The following SAMD5 variants were observed in gnomAD, a reference collection of about 807,000 sequenced individuals.
SAMD5 encodes sterile alpha motif domain containing 5, also known as sterile alpha motif domain-containing protein 5.
A neutral mutation model predicts 11.3 loss-of-function variants in SAMD5; 13 were observed. That is an observed-to-expected ratio of 1.15 (90% CI 0.75 to 1.83). SAMD5 has a LOEUF of 1.83. Among genes scored for constraint, SAMD5 ranks in the 40% most tolerant of loss-of-function variants. The pLI, the probability that SAMD5 is intolerant of heterozygous loss-of-function variation, is 0.00. For synonymous variants in SAMD5, 129 were observed against 111.3 expected, an observed-to-expected ratio of 1.16 and a Z score of -1.00; for missense variants, 255 against 239.1, an observed-to-expected ratio of 1.07 and a Z score of -0.44.
At chr6:147,767,520 G>A in the SAMD5 span, among the ~76,000 whole-genome samples, 1 of 152,006 alleles carries the variant, frequency 6.6e-6, no homozygotes, top group South Asian at 2.1e-4. Context: ...TGGAGGTGGG[G>A]ACTTTGGGAG....
intron 1 of SAMD5, among the ~76,000 whole-genome samples, chr6:147,611,878 G>A (rs769179312): frequency 6.6e-6 from 1 of 152,106 alleles, no homozygotes; most frequent in Non-Finnish European, 1.5e-5. Flanking sequence ...GTGTAATCTG[G>A]GAAAAGGACA....
At chr6:147,603,575 A>C (rs1029857781) in intron 1 of SAMD5, among the ~76,000 whole-genome samples, 15 of 152,160 alleles carry the variant, frequency 9.9e-5, no homozygotes, top group Non-Finnish European at 2.1e-4. Flanking sequence ...TGCATCTCCC[A>C]GCACCAGGGC....
intron 1 of SAMD5, among the ~76,000 whole-genome samples, chr6:147,723,671 G>A (rs186571683): frequency 7.7e-4 from 117 of 152,200 alleles, no homozygotes; most frequent in Middle Eastern, 3.4e-3. Context: ...CACACACTCA[G>A]TCTTTAAGAA....
At chr6:147,947,789 T>C in the SAMD5 span, among the ~76,000 whole-genome samples, 62 of 152,326 alleles carry the variant, frequency 4.1e-4, 3 homozygotes, top group South Asian at 0.012. Flanking sequence ...ATTCTTTTTA[T>C]GTGAATTTTC....
At chr6:147,930,313 T>G in the SAMD5 span, among the ~76,000 whole-genome samples, 1 of 152,110 alleles carries the variant, frequency 6.6e-6, no homozygotes, top group Non-Finnish European at 1.5e-5. Context: ...CTTTCTGTCT[T>G]CTTCTGAGTC....
the SAMD5 span, among the ~76,000 whole-genome samples, chr6:147,784,458 C>G: frequency 6.6e-6 from 1 of 152,058 alleles, no homozygotes; most frequent in Non-Finnish European, 1.5e-5. Flanking sequence ...GTTTTGTTTC[C>G]CATATAAGCT....
the SAMD5 span, among the ~76,000 whole-genome samples, chr6:147,875,989 G>C: frequency 2.0e-5 from 3 of 152,138 alleles, 1 homozygote; most frequent in Non-Finnish European, 4.4e-5. Flanking sequence ...TTGTCCCCTG[G>C]TCCGTGGAAA....
At chr6:147,943,073 G>A in the SAMD5 span, among the ~76,000 whole-genome samples, 2,871 of 151,940 alleles carry the variant, frequency 0.019, 100 homozygotes, top group African/African-American at 0.066. Flanking sequence ...CACCCGCCTC[G>A]GCCTCCCAAA....
chr6:147,848,456 T>A, the SAMD5 span, among the ~76,000 whole-genome samples: 2 of 152,204 alleles, frequency 1.3e-5, no homozygotes, highest in Non-Finnish European at 2.9e-5. Context: ...ACCTCATATG[T>A]CCTAATTTAT....
chr6:147,871,209 T>C, the SAMD5 span, among the ~76,000 whole-genome samples: 1 of 152,184 alleles, frequency 6.6e-6, no homozygotes, highest in African/African-American at 2.4e-5. Context: ...TAGAAATCTG[T>C]TTCTTAACAG....
the SAMD5 span, among the ~76,000 whole-genome samples, chr6:147,820,846 T>C: frequency 6.6e-6 from 1 of 152,198 alleles, no homozygotes; most frequent in Non-Finnish European, 1.5e-5. Flanking sequence ...GCTCGCTCTG[T>C]GGCCACCTCA....
chr6:147,924,645 A>G, the SAMD5 span, among the ~76,000 whole-genome samples: 6 of 152,058 alleles, frequency 3.9e-5, no homozygotes, highest in South Asian at 8.3e-4. Context: ...GAACAAAACT[A>G]AAACAAATCC....
chr6:147,573,680 T>A (rs1335530560), downstream of SAMD5, among the ~76,000 whole-genome samples: 1 of 151,990 alleles, frequency 6.6e-6, no homozygotes, highest in African/African-American at 2.4e-5. Flanking sequence ...CTTAGCAAAA[T>A]GAAATGTAAG....
Position 147,509,223 on chromosome 6 carries a change from T to A in SAMD5, c.295T>A (p.Cys99Ser). Reference sequence around the variant, plus strand: ...CCCCACCGGCCGCCGGGGGGAGCCGTGCGGCGGCCCGGCCCAGGGCACCCG... The same window carrying A: ...CCCCACCGGCCGCCGGGGGGAGCCGAGCGGCGGCCCGGCCCAGGGCACCCG... The part of the protein sequence containing the change: ...AVPTGRRGEP[C>S]GGPAQGTRGD... The change falls in exon 1 of 2, where the codon TGC becomes AGC. Residue 99 changes from cysteine (C) to serine (S), a missense_variant. By Grantham distance (112) the Cys-to-Ser change is moderately radical (BLOSUM62 -1). Coordinates refer to ENST00000367474, the MANE Select transcript of SAMD5 (RefSeq NM_001030060.3). 7.2e-7 allele frequency: 1 copy of A among 1,382,710 alleles called. No individual in the cohort carries two copies. Among genetic ancestry groups the A allele is most frequent in the Admixed American group, 3.0e-5 (1 of 33,720 alleles). 85.7% of individuals were successfully genotyped at this position (1,382,710 alleles called of 1,614,324 possible).
the SAMD5 span, among the ~76,000 whole-genome samples, chr6:147,863,719 A>G: frequency 6.6e-6 from 1 of 151,188 alleles, no homozygotes; most frequent in Non-Finnish European, 1.5e-5. Flanking sequence ...ACATCATAGT[A>G]TCTTGGTGTC....
At chr6:147,729,758 G>A (rs758509104) in intron 1 of SAMD5, 16 of 456,884 alleles carry the variant, frequency 3.5e-5, no homozygotes, top group Admixed American at 7.1e-5. Flanking sequence ...AGTGGCAAAG[G>A]TTCTGAGAGG....
chr6:147,921,747 C>CA, the SAMD5 span, among the ~76,000 whole-genome samples: 2 of 152,176 alleles, frequency 1.3e-5, no homozygotes, highest in Admixed American at 1.3e-4. Context: ...CAGAGCCCAG[C>CA]ACCCCCTGGC....
chr6:147,724,139 A>T (rs73014090), intron 1 of SAMD5, among the ~76,000 whole-genome samples: 7 of 152,014 alleles, frequency 4.6e-5, no homozygotes, highest in Admixed American at 2.0e-4. Flanking sequence ...AAATATATAT[A>T]TTTTTTGAAA....
At chr6:147,525,111 A>T (rs648995) in intron 1 of SAMD5, among the ~76,000 whole-genome samples, 2 of 151,102 alleles carry the variant, frequency 1.3e-5, no homozygotes, top group Admixed American at 1.3e-4. Context: ...TGAAAAATAG[A>T]TATGGTATAG....
Sources: allele counts gnomAD v4.1 joint callset (sites outside exome capture counted in the v4.1 genomes callset), GRCh38; gene constraint gnomAD v4.1.1; transcripts MANE v1.5; gene names NCBI Gene and HGNC (gene_info 2026-07-23, HGNC 2026-07-21).